KIF1B: variants seen among roughly 807,000 people sequenced by gnomAD.
KIF1B encodes the protein kinesin family member 1B, also known as kinesin-like protein KIF1B.
KIF1B carries 76 observed loss-of-function variants against 241.9 expected under a neutral mutation model. That is an observed-to-expected ratio of 0.31 (90% CI 0.26 to 0.38). The LOEUF (loss-of-function observed/expected upper bound fraction) is 0.38, where lower values mean the gene tolerates loss of function less well. KIF1B is among the 10% of genes least tolerant of loss of function. The pLI is 1.00. For synonymous variants in KIF1B, 750 were observed against 796.7 expected, an observed-to-expected ratio of 0.94 and a Z score of 0.99; for missense variants, 1,622 against 2,271.4, an observed-to-expected ratio of 0.71 and a Z score of 5.81.
rs560710521 is a variant in KIF1B at position 10,282,492 on chromosome 1, A to T, written c.1393A>T (p.Met465Leu). ...TGTGACCAGTATTCAAGAGAGGATC[A>T]TGTCTACACCTGGAGGAGAGGAAGC... Reference protein sequence around the residue: ...TSVTSIQERIMSTPGGEEAIE... With the variant: ...TSVTSIQERILSTPGGEEAIE... The change falls in exon 15 of 49, where the codon ATG (methionine) becomes TTG (leucine). Residue 465 changes from methionine to leucine, a missense_variant. By Grantham distance (15) the Met-to-Leu change is conservative. This residue lies in a region of KIF1B where 201 missense variants were observed against 301.2 expected (regional missense o/e 0.67). Transcript: ENST00000676179. The T allele has an allele frequency of 5.0e-6, 8 of 1,614,216 alleles. No homozygotes were observed. The East Asian group carries it at 1.3e-4, about 27-fold the overall frequency.
intron 27 of KIF1B, among the ~76,000 whole-genome samples, chr1:10,327,318 G>A (rs940860381): frequency 3.9e-5 from 6 of 152,104 alleles, no homozygotes; most frequent in East Asian, 1.9e-4. Flanking sequence ...TGCCCAACAC[G>A]GTGAAACCCC....
intron 34 of KIF1B, 64 bp from the exon 35 acceptor site, chr1:10,345,781 A>G: frequency 8.6e-7 from 1 of 1,168,952 alleles, no homozygotes; most frequent in South Asian, 1.3e-5. Flanking sequence ...GACATTAGAG[A>G]AGCTTGTATT....
chr1:10,346,029 A>G, intron 35 of KIF1B, 76 bp downstream of exon 35: 2 of 939,932 alleles, frequency 2.1e-6, no homozygotes, highest in Non-Finnish European at 1.7e-6. Context: ...ATCTTCTTGT[A>G]TTTGGGTTCA....
intron 45 of KIF1B, among the ~76,000 whole-genome samples, chr1:10,373,395 C>T (rs567458458): frequency 2.1e-4 from 32 of 151,466 alleles, no homozygotes; most frequent in African/African-American, 6.8e-4. Context: ...CCACCACGCC[C>T]AGCTAATTTT....
chr1:10,282,247 TC>T, intron 14 of KIF1B, 74 bp from the exon 15 acceptor site: 1 of 1,171,758 alleles, frequency 8.5e-7, no homozygotes, highest in Admixed American at 2.0e-5. Context: ...CGATATTCCT[TC>T]CTGTCTTTTT....
intron 22 of KIF1B, among the ~76,000 whole-genome samples, chr1:10,318,264 G>T (rs1230124372): frequency 2.0e-5 from 3 of 151,424 alleles, no homozygotes; most frequent in Non-Finnish European, 4.4e-5. Flanking sequence ...GCATTGCTTG[G>T]GAGCTCCTTT....
intron 22 of KIF1B, chr1:10,307,949 T>C: frequency 7.6e-6 from 8 of 1,054,154 alleles, no homozygotes; most frequent in Non-Finnish European, 9.2e-6. Flanking sequence ...TCACTGGTAA[T>C]GTGATGAATG....
intron 17 of KIF1B, among the ~76,000 whole-genome samples, chr1:10,293,273 A>G (rs748981423): frequency 6.6e-6 from 1 of 151,890 alleles, no homozygotes; most frequent in Non-Finnish European, 1.5e-5. Context: ...TCATTCAGAT[A>G]TGTTACTTAG....
intron 43 of KIF1B, among the ~76,000 whole-genome samples, chr1:10,366,712 C>T (rs1358286085): frequency 6.6e-6 from 1 of 152,182 alleles, no homozygotes; most frequent in Admixed American, 6.5e-5. Context: ...GTGGCTCACG[C>T]CTGTAATCCC....
chr1:10,238,931 CT>C (rs1408383240), intron 2 of KIF1B, among the ~76,000 whole-genome samples: 1 of 151,870 alleles, frequency 6.6e-6, no homozygotes, highest in Admixed American at 6.6e-5. Flanking sequence ...TTTTTTGGTA[CT>C]TTTTTCTTTC....
chr1:10,288,912 A>C (rs1649847438), intron 15 of KIF1B, among the ~76,000 whole-genome samples: 1 of 152,160 alleles, frequency 6.6e-6, no homozygotes, highest in South Asian at 2.1e-4. Context: ...CAGAAAGTCA[A>C]ACACTAGACA....
At position 10,324,040 on chromosome 1, in the gene KIF1B, T is replaced by C. The variant is rs758795146; in HGVS notation, c.2515T>C (p.Tyr839His). ...VQDLKNGATH[Y>H]WSLEKLKQRL... ...GGATTTGAAGAATGGAGCAACACAC[T>C]ATTGGTCTTTGGAGAAACTCAAGTA... The change falls in exon 25 of 49, where the codon TAT (tyrosine) becomes CAT (histidine). Residue 839 changes from tyrosine (Y) to histidine (H), a missense_variant. This residue lies in a region of KIF1B where 803 missense variants were observed against 1,112.0 expected (regional missense o/e 0.72). Coordinates refer to ENST00000676179, the MANE Select transcript of KIF1B (RefSeq NM_001365951.3). 6.2e-7 allele frequency: 1 copy of C among 1,614,168 alleles called. No individual in the cohort carries two copies. The highest frequency in any genetic ancestry group is 8.5e-7 in the Non-Finnish European group (1 of 1,180,022).
intron 2 of KIF1B, among the ~76,000 whole-genome samples, chr1:10,237,725 G>A (rs185929955): frequency 3.1e-4 from 47 of 152,256 alleles, no homozygotes; most frequent in Non-Finnish European, 1.5e-4. Context: ...AAATTTGGGG[G>A]GTGGGTGCAG....
At chr1:10,254,167 T>G (rs1166279450) in intron 2 of KIF1B, among the ~76,000 whole-genome samples, 1 of 152,206 alleles carries the variant, frequency 6.6e-6, no homozygotes, top group Non-Finnish European at 1.5e-5. Context: ...AGATTAAGCT[T>G]TAAAGCATTC....
At chr1:10,232,083 AAAAAC>A (rs890244302) in intron 1 of KIF1B, among the ~76,000 whole-genome samples, 162 bp from the exon 2 acceptor site, 8 of 152,220 alleles carry the variant, frequency 5.3e-5, no homozygotes, top group African/African-American at 9.6e-5. Context: ...CCATCTCTTA[AAAAAC>A]AAAACAAAAC....
At chr1:10,349,772 G>GA (rs1372501322) in intron 37 of KIF1B, among the ~76,000 whole-genome samples, 2 of 152,250 alleles carry the variant, frequency 1.3e-5, no homozygotes, top group East Asian at 3.9e-4. Context: ...ATGACAGTCC[G>GA]AGGCAAGAGT....
intron 24 of KIF1B, among the ~76,000 whole-genome samples, chr1:10,322,792 C>G (rs1328912566): frequency 6.6e-6 from 1 of 152,092 alleles, no homozygotes; most frequent in Non-Finnish European, 1.5e-5. Context: ...TTTTTTCTTA[C>G]TACTGTGCAT....
intron 16 of KIF1B, among the ~76,000 whole-genome samples, chr1:10,291,492 C>T (rs148773372): frequency 0.019 from 2,854 of 152,142 alleles, 40 homozygotes; most frequent in Non-Finnish European, 0.028. Context: ...GGGCAGATCA[C>T]GAGGTCGGGA....
Position 10,268,100 on chromosome 1 carries a change from AACTCTCATC to A in KIF1B, c.609-51_609-43del, listed in dbSNP as rs1328242569. 1.7e-3 allele frequency: 2,049 copies of A among 1,184,668 alleles called. 19 individuals are homozygous for A. The African/African-American group carries it at 0.026, about 15-fold the overall frequency. 73.4% of individuals were successfully genotyped at this position (1,184,668 alleles called of 1,614,324 possible). A position where few individuals can be genotyped will look rare whatever the true frequency, so the allele number is the denominator to read the frequency against. ...TAATGTGGAGCCTGCTGTCCATTTC[AACTCTCATC>A]TAAGAATTCCCTTGTCACGTGGTCA... On this transcript the variant is annotated intron_variant, in intron 6 of 48. Coordinates refer to ENST00000676179, the MANE Select transcript of KIF1B (RefSeq NM_001365951.3).
Sources: allele counts gnomAD v4.1 joint callset (sites outside exome capture counted in the v4.1 genomes callset), GRCh38; gene constraint gnomAD v4.1.1; regional missense constraint gnomAD v4.1.1; transcripts MANE v1.5; gene names NCBI Gene and HGNC (gene_info 2026-07-23, HGNC 2026-07-21).